ELL2: variants seen among roughly 807,000 people sequenced by gnomAD.
ELL2 encodes the protein elongation factor for RNA polymerase II 2.
In ELL2, 21 loss-of-function variants were observed where a neutral mutation model predicts 72.8. The observed-to-expected ratio is 0.29, with a 90% CI of 0.20 to 0.42. ELL2 has a LOEUF of 0.42. Ranked by LOEUF, ELL2 falls within the 10% of genes least tolerant of loss-of-function variation. The pLI, the probability that ELL2 is intolerant of heterozygous loss-of-function variation, is 1.00. For synonymous variants in ELL2, 266 were observed against 283.2 expected, an observed-to-expected ratio of 0.94 and a Z score of 0.61; for missense variants, 568 against 772.8, an observed-to-expected ratio of 0.73 and a Z score of 3.14.
chr5:95,931,079 C>G (rs1015145555), intron 2 of ELL2, among the ~76,000 whole-genome samples: 1 of 151,626 alleles, frequency 6.6e-6, no homozygotes, highest in African/African-American at 2.4e-5. Context: ...GTGAAAACTT[C>G]TCTTTTACAA....
intron 8 of ELL2, among the ~76,000 whole-genome samples, chr5:95,896,250 T>C (rs1020386598): frequency 6.6e-6 from 1 of 151,846 alleles, no homozygotes; most frequent in Non-Finnish European, 1.5e-5. Flanking sequence ...TATATTCCTA[T>C]AATCTCTAGC....
intron 3 of ELL2, among the ~76,000 whole-genome samples, chr5:95,918,812 T>A (rs974396122): frequency 4.0e-5 from 6 of 151,640 alleles, no homozygotes; most frequent in Non-Finnish European, 7.4e-5. Flanking sequence ...TTACAGAGGA[T>A]CTAAGTAGAT....
At chr5:95,908,949 G>T (rs1040755558) in intron 4 of ELL2, among the ~76,000 whole-genome samples, 2 of 152,114 alleles carry the variant, frequency 1.3e-5, no homozygotes, top group African/African-American at 4.8e-5. Context: ...GGTCATTTAG[G>T]ATGAATTCAA....
chr5:95,916,220 T>A (rs1554076260), intron 3 of ELL2, among the ~76,000 whole-genome samples: 1 of 151,772 alleles, frequency 6.6e-6, no homozygotes, highest in Non-Finnish European at 1.5e-5. Context: ...CATGCCCAGG[T>A]CACGAGGTAT....
At chr5:95,952,500 A>C (rs994571992) in intron 1 of ELL2, among the ~76,000 whole-genome samples, 18 of 152,344 alleles carry the variant, frequency 1.2e-4, no homozygotes, top group African/African-American at 4.3e-4. Context: ...ATGGAATCTC[A>C]TATCAACAAA....
intron 1 of ELL2, among the ~76,000 whole-genome samples, chr5:95,951,169 A>C (rs1422277243): frequency 6.6e-6 from 1 of 151,246 alleles, no homozygotes; most frequent in East Asian, 1.9e-4. Flanking sequence ...GGATATCGAG[A>C]CCATCCTGGC....
intron 1 of ELL2, among the ~76,000 whole-genome samples, chr5:95,957,070 G>C (rs745381602): frequency 6.6e-6 from 1 of 152,178 alleles, no homozygotes; most frequent in Non-Finnish European, 1.5e-5. Flanking sequence ...GACTGTTTAT[G>C]TAATAGTCAG....
intron 2 of ELL2, among the ~76,000 whole-genome samples, chr5:95,939,098 A>C (rs994488933): frequency 2.0e-5 from 3 of 152,212 alleles, no homozygotes; most frequent in African/African-American, 7.2e-5. Context: ...GCACACACAC[A>C]GTTCTTAAAT....
At chr5:95,897,204 T>C (rs1340238753) in intron 8 of ELL2, among the ~76,000 whole-genome samples, 1 of 152,268 alleles carries the variant, frequency 6.6e-6, no homozygotes. Context: ...TTCTCTCATA[T>C]GGCAAAGATG....
chr5:95,943,012 C>G lies in ELL2; in HGVS notation c.185G>C (p.Gly62Ala), dbSNP rs144886612. Residue 62 changes from glycine (G) to alanine (A), a missense_variant, in exon 2 of 12, where the codon GGA becomes GCA. Coordinates refer to ENST00000237853, the MANE Select transcript of ELL2 (RefSeq NM_012081.6). The part of the protein sequence containing the change: ...IPFRPSIQFQ[G>A]LHGLVKIPKN... ...AATAAGAGTACTCACCCCGTGGAGT[C>G]CTTGGAACTGGATTGAAGGTCGAAA... 1 of 1,596,826 alleles carries G rather than the reference C, an allele frequency of 6.3e-7. No homozygotes were observed. The highest frequency in any genetic ancestry group is 1.4e-5 in the African/African-American group (1 of 74,004).
chr5:95,920,523 T>C (rs1165395483), intron 2 of ELL2, among the ~76,000 whole-genome samples: 35 of 151,648 alleles, frequency 2.3e-4, no homozygotes, highest in Non-Finnish European at 1.5e-5. Context: ...CAGGCAGATG[T>C]ATTTTCTACA....
At chr5:95,950,540 AT>A (rs1177422242) in intron 1 of ELL2, among the ~76,000 whole-genome samples, 1 of 152,182 alleles carries the variant, frequency 6.6e-6, no homozygotes, top group Non-Finnish European at 1.5e-5. Flanking sequence ...AAATTTAGAA[AT>A]AATCCAAAAC....
At chr5:95,895,720 A>T (rs759904329) in intron 8 of ELL2, 29 bp from the exon 9 acceptor site, 1 of 1,566,958 alleles carries the variant, frequency 6.4e-7, no homozygotes, top group South Asian at 1.1e-5. Flanking sequence ...AAATCAGAGC[A>T]TTCATCAACT....
At chr5:95,941,425 T>C (rs1228764476) in intron 2 of ELL2, among the ~76,000 whole-genome samples, 1 of 152,132 alleles carries the variant, frequency 6.6e-6, no homozygotes, top group African/African-American at 2.4e-5. Flanking sequence ...GCAATGCTGC[T>C]TGGGGCCCAG....
chr5:95,947,210 T>C (rs1166497719), intron 1 of ELL2, among the ~76,000 whole-genome samples: 2 of 151,974 alleles, frequency 1.3e-5, no homozygotes, highest in African/African-American at 4.8e-5. Context: ...AAAAAAAAAG[T>C]ATTGTAAAAT....
chr5:95,891,280 A>G lies in ELL2; in HGVS notation c.1590-6T>C, dbSNP rs1748651774. The G allele has an allele frequency of 6.3e-7, 1 of 1,596,570 alleles. No individual in the cohort carries two copies. The highest frequency in any genetic ancestry group is 1.4e-5 in the African/African-American group (1 of 73,890). Reference sequence around the variant, plus strand: ...AGACGATAGCGATATATTTTCTAATAAGAAAAAAGATAAATGGAGAGTAGC... The same window carrying G: ...AGACGATAGCGATATATTTTCTAATGAGAAAAAAGATAAATGGAGAGTAGC... On this transcript the variant is annotated splice_polypyrimidine_tract_variant and splice_region_variant and intron_variant, in intron 9 of 11. Coordinates refer to ENST00000237853, the MANE Select transcript of ELL2 (RefSeq NM_012081.6).
intron 3 of ELL2, among the ~76,000 whole-genome samples, chr5:95,917,296 T>G (rs528647619): frequency 6.6e-6 from 1 of 152,346 alleles, no homozygotes; most frequent in African/African-American, 2.4e-5. Context: ...AGTTTAAAAA[T>G]ATAGATAAGA....
chr5:95,922,763 TA>T (rs1299415950), intron 2 of ELL2, among the ~76,000 whole-genome samples: 1 of 152,206 alleles, frequency 6.6e-6, no homozygotes, highest in Non-Finnish European at 1.5e-5. Context: ...GCTACAGATT[TA>T]AAAAATATGA....
chr5:95,898,462 G>A lies in ELL2; in HGVS notation c.1303C>T (p.Leu435=), dbSNP rs770990543. 6.2e-7 allele frequency: 1 copy of A among 1,613,866 alleles called. No individual in the cohort carries two copies. Among genetic ancestry groups the A allele is most frequent in the East Asian group, 2.2e-5 (1 of 44,886 alleles). Residue 435 remains leucine (L), a synonymous_variant, in exon 8 of 12, where the codon CTG becomes TTG. Transcript: ENST00000237853. Reference sequence around the variant, plus strand: ...ACGGAACCAGGGGGTAAGGTTTCCAGAGAAGTCCTAGAGGTATATTTGTCT... The same window carrying A: ...ACGGAACCAGGGGGTAAGGTTTCCAAAGAAGTCCTAGAGGTATATTTGTCT... The part of the protein sequence containing the change: ...QQDKYTSRTS[L]ETLPPGSVLL...
Sources: allele counts gnomAD v4.1 joint callset (sites outside exome capture counted in the v4.1 genomes callset), GRCh38; gene constraint gnomAD v4.1.1; transcripts MANE v1.5; gene names NCBI Gene and HGNC (gene_info 2026-07-23, HGNC 2026-07-21).